Variants in WWOX observed in about 807,000 individuals in gnomAD.
WWOX encodes WW domain containing oxidoreductase.
In WWOX, 69 loss-of-function variants were observed where a neutral mutation model predicts 46.2. The ratio of observed to expected loss-of-function variants is 1.49; its 90% confidence interval spans 1.23 to 1.82. WWOX has a LOEUF of 1.82. Ranked by LOEUF, WWOX falls within the 40% of genes most tolerant of loss-of-function variation. The pLI, the probability that WWOX is intolerant of heterozygous loss-of-function variation, is 0.00. For missense variants in WWOX, 919 were observed against 542.6 expected, an observed-to-expected ratio of 1.69 and a Z score of -6.89; for synonymous variants, 359 against 202.6, an observed-to-expected ratio of 1.77 and a Z score of -6.56.
intron 8 of WWOX, among the ~76,000 whole-genome samples, chr16:79,110,282 A>G (rs1213712958): frequency 6.6e-6 from 1 of 151,864 alleles, no homozygotes; most frequent in Non-Finnish European, 1.5e-5. Context: ...TGCCCCTCCT[A>G]CTTCCCCGCC....
intron 8 of WWOX, among the ~76,000 whole-genome samples, chr16:78,862,959 GTT>G (rs35529711): frequency 4.5e-5 from 6 of 133,602 alleles, no homozygotes; most frequent in Non-Finnish European, 6.3e-5. Flanking sequence ...GTTATGCCAA[GTT>G]TTTTTTTTTT....
intron 8 of WWOX, among the ~76,000 whole-genome samples, chr16:78,447,582 G>C (rs2083590915): frequency 6.6e-6 from 1 of 152,142 alleles, no homozygotes; most frequent in Non-Finnish European, 1.5e-5. Flanking sequence ...CCTCCCCTTA[G>C]ACTCCATTGT....
intron 8 of WWOX, among the ~76,000 whole-genome samples, chr16:78,763,746 C>G (rs926938720): frequency 4.6e-5 from 7 of 152,134 alleles, no homozygotes; most frequent in South Asian, 2.1e-4. Context: ...CCTTTTGATT[C>G]TTCTTTTCAC....
intron 8 of WWOX, among the ~76,000 whole-genome samples, chr16:78,675,103 G>A (rs1477170879): frequency 6.6e-6 from 1 of 152,190 alleles, no homozygotes; most frequent in South Asian, 2.1e-4. Context: ...TGTGCTGAAT[G>A]TTTACATAGA....
At chr16:78,897,557 C>T (rs556325333) in intron 8 of WWOX, 11 of 152,168 alleles carry the variant, frequency 7.2e-5, no homozygotes, top group African/African-American at 1.4e-4. Flanking sequence ...CACCACAATT[C>T]GCTTATCTGT....
chr16:79,077,400 T>C (rs12925972), intron 8 of WWOX: 77,773 of 151,908 alleles, frequency 0.51, 20,219 homozygotes, highest in Middle Eastern at 0.61. Flanking sequence ...AAAAACCACA[T>C]GCATGCACAG....
intron 8 of WWOX, among the ~76,000 whole-genome samples, chr16:78,597,391 T>G (rs1206932315): frequency 6.6e-6 from 1 of 152,210 alleles, no homozygotes; most frequent in Admixed American, 6.5e-5. Context: ...TCTTTACCCA[T>G]TGCCATCATT....
At chr16:78,983,835 A>C (rs1490436584) in intron 8 of WWOX, among the ~76,000 whole-genome samples, 3 of 145,702 alleles carry the variant, frequency 2.1e-5, no homozygotes, top group Non-Finnish European at 4.5e-5. Flanking sequence ...GAACGATAGG[A>C]CTGGTGAAGC....
chr16:79,090,874 A>C (rs554802962), intron 8 of WWOX, among the ~76,000 whole-genome samples: 1 of 152,236 alleles, frequency 6.6e-6, no homozygotes, highest in South Asian at 2.1e-4. Flanking sequence ...GCTCACTGCA[A>C]CCTTTGCCTC....
intron 8 of WWOX, among the ~76,000 whole-genome samples, chr16:79,098,846 A>G (rs549621872): frequency 1.3e-5 from 2 of 152,282 alleles, no homozygotes; most frequent in South Asian, 4.1e-4. Context: ...CCTTCTCTGT[A>G]TATCTTTTAA....
At chr16:78,170,998 G>A (rs2035138117) in intron 5 of WWOX, among the ~76,000 whole-genome samples, 1 of 152,160 alleles carries the variant, frequency 6.6e-6, no homozygotes, top group African/African-American at 2.4e-5. Context: ...TTATTTTGTG[G>A]GAGTGAAGGG....
rs141275030 is a variant in WWOX at position 79,188,787 on chromosome 16, C to T, written c.1057-22821C>T. 1.9e-4 allele frequency among the ~76,000 whole-genome samples: 29 copies of T among 152,252 alleles called. 1 individual carries two copies. Among genetic ancestry groups the T allele is most frequent in the East Asian group, 5.8e-4 (3 of 5,174 alleles). On this transcript the variant is annotated intron_variant, in intron 8 of 8. Transcript: ENST00000566780. ...AATCCACATTCTTCCCTACAGACAACGGTGGGGTTCAGTGTTTGCTTTTCC... is the reference window on the plus strand; with the variant it reads ...AATCCACATTCTTCCCTACAGACAATGGTGGGGTTCAGTGTTTGCTTTTCC...
At chr16:78,995,430 C>G (rs1327475927) in intron 8 of WWOX, among the ~76,000 whole-genome samples, 1 of 152,038 alleles carries the variant, frequency 6.6e-6, no homozygotes, top group Admixed American at 6.6e-5. Context: ...TTTTTCTGTC[C>G]TCAGCCGTAA....
chr16:79,204,762 G>A (rs1246596727), intron 8 of WWOX: 1 of 152,192 alleles, frequency 6.6e-6, no homozygotes, highest in East Asian at 1.9e-4. Context: ...ACGCCTTTGG[G>A]TGGTTGGGAC....
chr16:79,179,614 G>T (rs531123472), intron 8 of WWOX, among the ~76,000 whole-genome samples: 94 of 152,358 alleles, frequency 6.2e-4, no homozygotes, highest in African/African-American at 2.2e-3. Flanking sequence ...GGTTCCTTGA[G>T]TGACCATGTG....
intron 5 of WWOX, among the ~76,000 whole-genome samples, chr16:78,235,322 A>T (rs2113164): frequency 6.6e-6 from 1 of 151,926 alleles, no homozygotes; most frequent in Non-Finnish European, 1.5e-5. Flanking sequence ...CACTTTGCCA[A>T]TCTTGGTCCT....
chr16:78,796,523 T>G (rs973359649), intron 8 of WWOX, among the ~76,000 whole-genome samples: 1 of 152,262 alleles, frequency 6.6e-6, no homozygotes, highest in Non-Finnish European at 1.5e-5. Flanking sequence ...GAGAAATGTT[T>G]TCAGTGAACA....
chr16:78,721,399 T>A (rs905063010), intron 8 of WWOX, among the ~76,000 whole-genome samples: 2 of 151,932 alleles, frequency 1.3e-5, no homozygotes, highest in Non-Finnish European at 1.5e-5. Flanking sequence ...GTGACAACAA[T>A]TATTCTTATT....
chr16:78,722,120 T>G (rs1046015462), intron 8 of WWOX, among the ~76,000 whole-genome samples: 3 of 152,208 alleles, frequency 2.0e-5, no homozygotes, highest in Admixed American at 6.5e-5. Context: ...ATCCTGACAT[T>G]CCAGTCCCAA....
Sources: gnomAD v4.1 joint callset for allele counts (sites outside exome capture counted in the v4.1 genomes callset) on GRCh38, gnomAD v4.1.1 for gene constraint, MANE v1.5 for transcripts, NCBI Gene and HGNC (gene_info 2026-07-23, HGNC 2026-07-21) for gene names.